Variants in USP40 observed in about 807,000 individuals in gnomAD.
USP40 encodes ubiquitin carboxyl-terminal hydrolase 40.
USP40 carries 143 observed loss-of-function variants against 166.2 expected under a neutral mutation model. The observed-to-expected ratio is 0.86, with a 90% CI of 0.75 to 0.99. USP40 has a LOEUF of 0.99. USP40 is among the 50% of genes least tolerant of loss of function. USP40 has a pLI of 0.00. For missense variants in USP40, 1,444 were observed against 1,479.7 expected, an observed-to-expected ratio of 0.98 and a Z score of 0.40; for synonymous variants, 498 against 524.0, an observed-to-expected ratio of 0.95 and a Z score of 0.68.
intron 13 of USP40, among the ~76,000 whole-genome samples, chr2:233,526,037 G>C (rs1161471261): frequency 1.3e-5 from 2 of 152,166 alleles, no homozygotes; most frequent in Non-Finnish European, 2.9e-5. Context: ...TTACTTAATA[G>C]ATTACCATGG....
intron 20 of USP40, among the ~76,000 whole-genome samples, chr2:233,510,452 G>C (rs769021636): frequency 4.6e-5 from 6 of 129,530 alleles, no homozygotes; most frequent in Non-Finnish European, 7.7e-5. Context: ...GCCCAGGCTG[G>C]AGTGCAGTGG....
rs2064918546 is a variant in USP40, at chr2:233,485,921, G to A, written c.3254C>T (p.Ala1085Val). ...GTTCCACACCAGGTCCAGGGCAGGG[G>A]CATAGGTCCTCTCACCAGGGATGCG... ...QVRIPGERTY[A>V]PALDLVWNAA... is the part of the protein sequence containing the mutation. Residue 1085 changes from alanine (A) to valine (V), a missense_variant, in exon 29 of 32, where the codon GCC becomes GTC. By Grantham distance (64) the Ala-to-Val change is moderately conservative. Coordinates refer to ENST00000678225, the MANE Select transcript of USP40 (RefSeq NM_001365479.2). 1 of 1,600,316 alleles carries A rather than the reference G, an allele frequency of 6.2e-7. No homozygotes were observed. Among genetic ancestry groups the A allele is most frequent in the Non-Finnish European group, 8.5e-7 (1 of 1,174,268 alleles).
intron 31 of USP40, among the ~76,000 whole-genome samples, chr2:233,478,330 C>T (rs2064316838): frequency 6.6e-6 from 1 of 152,184 alleles, no homozygotes; most frequent in Non-Finnish European, 1.5e-5. Context: ...ACTCTGCGTC[C>T]TCAACACACG....
At chr2:233,502,756 A>T (rs1220371883) in intron 21 of USP40, among the ~76,000 whole-genome samples, 1 of 152,150 alleles carries the variant, frequency 6.6e-6, no homozygotes, top group African/African-American at 2.4e-5. Context: ...AACTGCACAC[A>T]TCATTAATGA....
At chr2:233,558,597 C>A (rs1340738059) in intron 4 of USP40, among the ~76,000 whole-genome samples, 3 of 152,086 alleles carry the variant, frequency 2.0e-5, no homozygotes, top group Non-Finnish European at 4.4e-5. Context: ...TGGTTGCCAG[C>A]GGCTGAGTTG....
intron 31 of USP40, among the ~76,000 whole-genome samples, chr2:233,478,010 C>T (rs1011866835): frequency 3.9e-5 from 6 of 152,260 alleles, no homozygotes; most frequent in Admixed American, 1.3e-4. Context: ...GCTCTGCGGC[C>T]GGGTGCTTTG....
rs1334282180 is a variant in USP40 at position 233,565,409 on chromosome 2, G to C, written c.146C>G (p.Thr49Ser). The change falls in exon 2 of 32, where the codon ACC (threonine) becomes AGC (serine). Residue 49 changes from threonine to serine, a missense_variant. Transcript: ENST00000678225. ...CTGAAGAAGGGAATTGAGGTAACAG[G>C]TTCCACCCTGATTTCTGATTCCGCT... The part of the protein sequence containing the change: ...NLSGIRNQGG[T>S]CYLNSLLQTL... 1.2e-5 allele frequency: 19 copies of C among 1,537,228 alleles called. No homozygotes were observed. The highest frequency in any genetic ancestry group is 1.5e-5 in the Non-Finnish European group (17 of 1,146,870).
chr2:233,563,479 A>G (rs937605783), intron 2 of USP40, among the ~76,000 whole-genome samples: 1 of 152,174 alleles, frequency 6.6e-6, no homozygotes, highest in Non-Finnish European at 1.5e-5. Context: ...GTGTCTCCCT[A>G]TTGAAAAACT....
intron 17 of USP40, 123 bp from the exon 18 acceptor site, chr2:233,519,794 T>C: frequency 1.8e-6 from 1 of 554,930 alleles, no homozygotes; most frequent in Non-Finnish European, 3.0e-6. Context: ...TTAGTAGTTT[T>C]TGCCCACTGG....
chr2:233,485,424 T>C, intron 30 of USP40, 107 bp downstream of exon 30: 1 of 909,244 alleles, frequency 1.1e-6, no homozygotes, highest in South Asian at 1.7e-5. Context: ...AAACAATTTG[T>C]ATAAAATGGG....
intron 16 of USP40, among the ~76,000 whole-genome samples, chr2:233,522,786 A>T: frequency 6.6e-6 from 1 of 152,238 alleles, no homozygotes; most frequent in Non-Finnish European, 1.5e-5. Flanking sequence ...GAAACAATTT[A>T]GCCATAATGT....
intron 18 of USP40, among the ~76,000 whole-genome samples, chr2:233,517,364 A>C (rs2067272197): frequency 6.6e-6 from 1 of 151,056 alleles, no homozygotes; most frequent in Non-Finnish European, 1.5e-5. Context: ...CAAAAAAGAT[A>C]CTTGCACATG....
At chr2:233,481,460 A>C in intron 30 of USP40, 163 bp from the exon 31 acceptor site, 1 of 652,512 alleles carries the variant, frequency 1.5e-6, no homozygotes, top group Non-Finnish European at 2.6e-6. Flanking sequence ...GCTCGATGAA[A>C]ACAAACTCGG....
rs369926451 is a variant in USP40, at chr2:233,485,968, G to A, written c.3207C>T (p.Asp1069=). ...LQKGENLGPQ[D]VLLRTQVRIP... Reference sequence around the variant, plus strand: ...TGCGCACCTGTGTCCTCAGCAGCACGTCCTGGGGGCTGTACCAGAAAACCG... The same window carrying A: ...TGCGCACCTGTGTCCTCAGCAGCACATCCTGGGGGCTGTACCAGAAAACCG... The change falls in exon 29 of 32, where the codon GAC becomes GAT. Residue 1069 remains aspartate, a synonymous_variant. Transcript: ENST00000678225. The A allele has an allele frequency of 8.8e-5, 139 of 1,576,268 alleles. No individual in the cohort carries two copies. The highest frequency in any genetic ancestry group is 1.2e-4 in the Non-Finnish European group (137 of 1,164,006).
intron 12 of USP40, among the ~76,000 whole-genome samples, chr2:233,527,885 C>T (rs1029265540): frequency 3.3e-5 from 5 of 151,962 alleles, no homozygotes; most frequent in Non-Finnish European, 7.4e-5. Context: ...GAACAAAATG[C>T]TAGAGACCTG....
intron 26 of USP40, 146 bp downstream of exon 26, chr2:233,491,021 C>G (rs183596687): frequency 2.7e-6 from 2 of 749,656 alleles, no homozygotes; most frequent in South Asian, 3.0e-5. Context: ...GTATTGCCTG[C>G]GGGTACTTAC....
rs928282069 is a variant in USP40, at chr2:233,559,713, A to G, written c.381+98T>C. ...GGAAACATTCAAACAATATGTTGAGACCCTAAGACAAAATTAAAGGAAGTT... is the reference window on the plus strand; with the variant it reads ...GGAAACATTCAAACAATATGTTGAGGCCCTAAGACAAAATTAAAGGAAGTT... On this transcript the variant is annotated intron_variant, in intron 4 of 31. Coordinates refer to ENST00000678225, the MANE Select transcript of USP40 (RefSeq NM_001365479.2). The G allele has an allele frequency of 1.6e-5, 12 of 729,022 alleles. No homozygotes were observed. In the African/African-American group the frequency reaches 1.8e-4, roughly 11 times the overall value. The allele number at this position is 729,022 out of a possible 1,614,324, so 45.2% of individuals were successfully genotyped here.
rs1345836884 is a variant in USP40, at chr2:233,480,044, C to T, written c.3599+1159G>A. Among the ~76,000 whole-genome samples the T allele has an allele frequency of 1.3e-5, 2 of 152,180 alleles. No individual in the cohort carries two copies. Among genetic ancestry groups the T allele is most frequent in the Non-Finnish European group, 2.9e-5 (2 of 68,030 alleles). ...AAAGCAGCCAGTGATCATGTCAACG[C>T]GTCCCCCTTCACACCCTCCAGCAGC... On this transcript the variant is annotated intron_variant, in intron 31 of 31. Transcript: ENST00000678225. The surrounding 1 kb of genome is among the most constrained non-coding windows in gnomAD (Gnocchi z 4.5).
rs781079424 is a variant in USP40, at chr2:233,485,517, G to A, written c.3504+14C>T. On this transcript the variant is annotated intron_variant, in intron 30 of 31. Coordinates refer to ENST00000678225, the MANE Select transcript of USP40 (RefSeq NM_001365479.2). ...GTCTTCTCAAAGTGGTAAATTTGCTGTTAAACAACTTACCTTAACACCAAT... is the reference window on the plus strand; with the variant it reads ...GTCTTCTCAAAGTGGTAAATTTGCTATTAAACAACTTACCTTAACACCAAT... 1 of 1,604,828 alleles carries A rather than the reference G, an allele frequency of 6.2e-7. No homozygotes were observed. Among genetic ancestry groups the A allele is most frequent in the Non-Finnish European group, 8.5e-7 (1 of 1,173,140 alleles).
Sources: allele counts gnomAD v4.1 joint callset (sites outside exome capture counted in the v4.1 genomes callset), GRCh38; gene constraint gnomAD v4.1.1; non-coding constraint Gnocchi (gnomAD v3.1); transcripts MANE v1.5; gene names NCBI Gene and HGNC (gene_info 2026-07-23, HGNC 2026-07-21).